NUP214: variants seen among roughly 807,000 people sequenced by gnomAD.
NUP214 encodes nucleoporin 214.
NUP214 carries 79 observed loss-of-function variants against 196.2 expected under a neutral mutation model. The observed-to-expected ratio is 0.40, with a 90% confidence interval of 0.34 to 0.49. The LOEUF (loss-of-function observed/expected upper bound fraction) is 0.49. NUP214 is among the 20% of genes least tolerant of loss of function. The probability of loss-of-function intolerance (pLI) is 0.58; values close to 1 mark genes in which losing one functional copy is unlikely to be tolerated. For synonymous variants in NUP214, 1,020 were observed against 990.5 expected, an observed-to-expected ratio of 1.03 and a Z score of -0.56; for missense variants, 2,468 against 2,539.0, an observed-to-expected ratio of 0.97 and a Z score of 0.60.
chr9:131,151,783 C>T lies in NUP214; in HGVS notation c.2325C>T (p.Gly775=). Residue 775 remains glycine, a synonymous_variant, in exon 17 of 36, where the codon GGC becomes GGT. Coordinates refer to ENST00000359428, the MANE Select transcript of NUP214 (RefSeq NM_005085.4). ...GCCTGAAAACAACTTTACTTGAGGGCTTTGCTGGTGTTGAGGAAGCCAGAG... is the reference window on the plus strand; with the variant it reads ...GCCTGAAAACAACTTTACTTGAGGGTTTTGCTGGTGTTGAGGAAGCCAGAG... ...ISSLKTTLLE[G]FAGVEEAREQ... is the part of the protein sequence containing the mutation. 2.5e-6 allele frequency: 4 copies of T among 1,613,434 alleles called. No homozygotes were observed. The highest frequency in any genetic ancestry group is 3.4e-6 in the Non-Finnish European group (4 of 1,179,806).
intron 18 of NUP214, among the ~76,000 whole-genome samples, chr9:131,159,905 C>G (rs1028270739): frequency 1.3e-5 from 2 of 150,974 alleles, no homozygotes; most frequent in African/African-American, 4.9e-5. Context: ...AACGTTCATT[C>G]TTTTTAACAG....
At chr9:131,215,964 G>A (rs564267880) in intron 31 of NUP214, among the ~76,000 whole-genome samples, 2 of 144,240 alleles carry the variant, frequency 1.4e-5, no homozygotes, top group East Asian at 2.0e-4. Context: ...GTGCAATGGC[G>A]TGATCTCAGC....
At chr9:131,187,080 A>G (rs1361472924) in intron 24 of NUP214, 2 of 547,838 alleles carry the variant, frequency 3.7e-6, no homozygotes, top group South Asian at 2.3e-5. Context: ...TTATAAGGCC[A>G]CTGCTTTGAC....
chr9:131,195,405 T>C (rs2131039912), intron 28 of NUP214, 111 bp downstream of exon 28: 1 of 841,024 alleles, frequency 1.2e-6, no homozygotes, highest in East Asian at 2.4e-5. Flanking sequence ...ACTTACAGTA[T>C]CTGCAATAAG....
rs940632367 is a variant in NUP214 at position 131,232,501 on chromosome 9, A to C, written c.6239+193A>C. 17 of 657,576 alleles carry C rather than the reference A, an allele frequency of 2.6e-5. No homozygotes were observed. The African/African-American group carries it at 3.1e-4, about 12-fold the overall frequency. 40.7% of individuals were successfully genotyped at this position (657,576 alleles called of 1,614,324 possible). On this transcript the variant is annotated intron_variant, in intron 35 of 35. Transcript: ENST00000359428. The surrounding 1 kb of genome is among the most constrained non-coding windows in gnomAD (Gnocchi z 5.1). ...CTCTTCTCTGTAGCAATATGGCAGG[A>C]GGTGCCAGGCCTCGCCTTCTTAAGA...
At chr9:131,229,840 G>A (rs776940660) in intron 33 of NUP214, 2 of 486,952 alleles carry the variant, frequency 4.1e-6, no homozygotes, top group East Asian at 1.2e-4. Flanking sequence ...ATAGAATGGT[G>A]GGAAGGCAGA....
intron 21 of NUP214, among the ~76,000 whole-genome samples, chr9:131,171,192 G>C (rs1359077159): frequency 3.3e-5 from 5 of 152,234 alleles, no homozygotes; most frequent in Admixed American, 2.6e-4. Flanking sequence ...GCTTCTGTGA[G>C]TGAGCATGCC....
chr9:131,192,370 T>A, intron 27 of NUP214, 78 bp downstream of exon 27: 1 of 871,416 alleles, frequency 1.1e-6, no homozygotes, highest in Non-Finnish European at 1.8e-6. Flanking sequence ...GATATATTTA[T>A]TTACTTATTA....
At chr9:131,149,127 TC>T (rs1360019362) in intron 14 of NUP214, among the ~76,000 whole-genome samples, 1 of 146,246 alleles carries the variant, frequency 6.8e-6, no homozygotes, top group Non-Finnish European at 1.5e-5. Flanking sequence ...TCTTTTCCTT[TC>T]TGTGTCCCTC....
At chr9:131,147,253 G>A (rs2133501710) in intron 13 of NUP214, among the ~76,000 whole-genome samples, 1 of 152,166 alleles carries the variant, frequency 6.6e-6, no homozygotes, top group East Asian at 1.9e-4. Context: ...CTCCCAAAAG[G>A]CTAGGATTAC....
Position 131,222,917 on chromosome 9 carries a change from T to C in NUP214, c.5889T>C (p.Ser1963=). The change falls in exon 32 of 36, where the codon TCT becomes TCC. Residue 1963 remains serine (S), a synonymous_variant. Transcript: ENST00000359428. The stretch of plus-strand genomic sequence containing the variant: ...CATCCCAAGGCTTTGGGTTTTCCTC[T>C]CCAAACAAAACAGGTACTCCTATGT... ...SVASQGFGFS[S]PNKTGGFGAA... 6.2e-7 allele frequency: 1 copy of C among 1,614,030 alleles called. No individual in the cohort carries two copies. The highest frequency in any genetic ancestry group is 8.5e-7 in the Non-Finnish European group (1 of 1,179,952).
intron 14 of NUP214, among the ~76,000 whole-genome samples, chr9:131,147,813 CAT>C (rs983129462): frequency 4.6e-5 from 7 of 152,318 alleles, no homozygotes; most frequent in Admixed American, 6.5e-5. Flanking sequence ...AAAAAGTACA[CAT>C]GATACATGTA....
At chr9:131,144,954 C>T (rs962613931) in intron 12 of NUP214, among the ~76,000 whole-genome samples, 200 bp downstream of exon 12, 1 of 152,082 alleles carries the variant, frequency 6.6e-6, no homozygotes, top group African/African-American at 2.4e-5. Flanking sequence ...GGTCTCTTAG[C>T]TAGCATTTTA....
At chr9:131,159,572 C>T in intron 18 of NUP214, 86 bp downstream of exon 18, 1 of 1,201,778 alleles carries the variant, frequency 8.3e-7, no homozygotes, top group Non-Finnish European at 1.2e-6. Flanking sequence ...ATATGAAAAT[C>T]CCAGGCCGGG....
chr9:131,139,886 G>A lies in NUP214; in HGVS notation c.1132+479G>A, dbSNP rs191843991. ...GTGTTTTGAATAGATCTTCCCTGCA[G>A]TAGCTTGGCTATACTGTAGTCATTG... On this transcript the variant is annotated intron_variant, in intron 10 of 35. Transcript: ENST00000359428. Among the ~76,000 whole-genome samples the A allele has an allele frequency of 7.2e-5, 11 of 152,326 alleles. No individual in the cohort carries two copies. The East Asian group carries it at 2.1e-3, about 29-fold the overall frequency.
chr9:131,161,987 T>C (rs1832652106), intron 18 of NUP214, among the ~76,000 whole-genome samples: 1 of 152,208 alleles, frequency 6.6e-6, no homozygotes, highest in Non-Finnish European at 1.5e-5. Flanking sequence ...TCGTAAACTT[T>C]CTTAAAACAT....
chr9:131,204,461 C>T (rs1311010069), intron 30 of NUP214, among the ~76,000 whole-genome samples: 1 of 152,078 alleles, frequency 6.6e-6, no homozygotes, highest in Admixed American at 6.5e-5. Context: ...TAGCCTCTGT[C>T]AGAAGCACTT....
chr9:131,175,818 G>C (rs1164033139), intron 23 of NUP214, 197 bp downstream of exon 23: 1 of 781,686 alleles, frequency 1.3e-6, no homozygotes, highest in Non-Finnish European at 1.8e-6. Context: ...TTGCTTTTAA[G>C]GGGAGGGATT....
chr9:131,139,279 A>ATTTTT lies in NUP214; in HGVS notation c.1006-2_1006-1insTTTTT. 1 of 703,310 alleles carries ATTTTT rather than the reference A, an allele frequency of 1.4e-6. No homozygotes were observed. Among genetic ancestry groups the ATTTTT allele is most frequent in the South Asian group, 3.8e-5 (1 of 26,496 alleles). The allele number at this position is 703,310 out of a possible 1,614,324, so 43.6% of individuals were successfully genotyped here. ...TCTTTTTTTTTTTTTTTTTTTTTTT[A>ATTTTT]GATTAATTGGGAATCTTGGCTACTG... On this transcript the variant is annotated splice_acceptor_variant, in intron 9 of 35. Transcript: ENST00000359428. LOFTEE classifies it high-confidence loss of function.
Sources: gnomAD v4.1 joint callset for allele counts (sites outside exome capture counted in the v4.1 genomes callset) on GRCh38, gnomAD v4.1.1 for gene constraint, Gnocchi (gnomAD v3.1) non-coding constraint, MANE v1.5 for transcripts, NCBI Gene and HGNC (gene_info 2026-07-23, HGNC 2026-07-21) for gene names.